Variants in INPP5A observed in about 807,000 individuals in gnomAD.
INPP5A encodes 43 kDa inositol polyphosphate 5-phophatase.
INPP5A carries 14 observed loss-of-function variants against 65.2 expected under a neutral mutation model. That is an observed-to-expected ratio of 0.21 (90% CI 0.14 to 0.34). The LOEUF is 0.34. INPP5A is among the 10% of genes least tolerant of loss of function. The pLI is 1.00. For synonymous variants in INPP5A, 207 were observed against 208.3 expected, an observed-to-expected ratio of 0.99 and a Z score of 0.05; for missense variants, 431 against 545.6, an observed-to-expected ratio of 0.79 and a Z score of 2.09.
At chr10:132,709,517 G>A (rs970016388) in intron 7 of INPP5A, among the ~76,000 whole-genome samples, 1 of 152,112 alleles carries the variant, frequency 6.6e-6, no homozygotes, top group Non-Finnish European at 1.5e-5. Flanking sequence ...CTTTGCTGTT[G>A]GTCACAGGGA....
chr10:132,757,330 G>T (rs763364098), intron 11 of INPP5A, among the ~76,000 whole-genome samples: 3 of 152,218 alleles, frequency 2.0e-5, no homozygotes, highest in Non-Finnish European at 2.9e-5. Flanking sequence ...CTCCCTTCGC[G>T]AGCGGGGCTC....
At chr10:132,578,206 T>A (rs576887680) in intron 1 of INPP5A, among the ~76,000 whole-genome samples, 1 of 152,256 alleles carries the variant, frequency 6.6e-6, no homozygotes, top group South Asian at 2.1e-4. Flanking sequence ...AACCCTCTCC[T>A]TTTTTGTGTC....
At chr10:132,723,513 TGTGGGGA>T in intron 8 of INPP5A, among the ~76,000 whole-genome samples, 1 of 145,930 alleles carries the variant, frequency 6.9e-6, no homozygotes, top group African/African-American at 2.6e-5. Context: ...GGATTGGCCA[TGTGGGGA>T]TTGGCCATGT....
intron 1 of INPP5A, among the ~76,000 whole-genome samples, chr10:132,561,722 C>CCACA (rs35335535): frequency 0.1 from 14,753 of 142,280 alleles, 841 homozygotes; most frequent in East Asian, 0.22. Flanking sequence ...TTGTCAATTT[C>CCACA]CACACACACA....
chr10:132,702,306 T>C lies in INPP5A; in HGVS notation c.474+4387T>C, dbSNP rs565637119. ...CAATTTATATTATTCAAAAATAACA[T>C]TGTTTCTCGTTTTATTTATTCAGTC... On this transcript the variant is annotated intron_variant, in intron 6 of 15. Coordinates refer to ENST00000368594, the MANE Select transcript of INPP5A (RefSeq NM_005539.5). Among the ~76,000 whole-genome samples, 8 of 152,362 alleles carry C rather than the reference T, an allele frequency of 5.3e-5. No individual in the cohort carries two copies. The East Asian group carries it at 1.5e-3, about 29-fold the overall frequency.
intron 2 of INPP5A, among the ~76,000 whole-genome samples, chr10:132,625,874 G>T (rs1267970418): frequency 7.4e-6 from 1 of 135,702 alleles, no homozygotes; most frequent in African/African-American, 2.8e-5. Context: ...GTGTGTGTGT[G>T]TGTTTGTGTG....
Position 132,555,660 on chromosome 10 carries a change from C to T in INPP5A, c.75+17489C>T, listed in dbSNP as rs552816323. Reference sequence around the variant, plus strand: ...GGGAGAGAGTTCAAGTGTATCCTAGCGTCTTGGAGAAAAATGGTCTATGAA... The same window carrying T: ...GGGAGAGAGTTCAAGTGTATCCTAGTGTCTTGGAGAAAAATGGTCTATGAA... On this transcript the variant is annotated intron_variant, in intron 1 of 15. Coordinates refer to ENST00000368594, the MANE Select transcript of INPP5A (RefSeq NM_005539.5). This position sits in a 1 kb window ranked among gnomAD's most constrained non-coding sequence, Gnocchi z 4.4. Among the ~76,000 whole-genome samples, 4 of 152,188 alleles carry T rather than the reference C, an allele frequency of 2.6e-5. No individual in the cohort carries two copies. The East Asian group carries it at 5.8e-4, about 22-fold the overall frequency.
intron 11 of INPP5A, among the ~76,000 whole-genome samples, chr10:132,752,371 G>A (rs924724520): frequency 6.6e-6 from 1 of 151,484 alleles, no homozygotes; most frequent in Non-Finnish European, 1.5e-5. Flanking sequence ...CAGGTAGGGT[G>A]GTGGCAGGGG....
chr10:132,699,426 G>C (rs1228680007), intron 6 of INPP5A, among the ~76,000 whole-genome samples: 1 of 152,158 alleles, frequency 6.6e-6, no homozygotes, highest in Non-Finnish European at 1.5e-5. Flanking sequence ...GAGCAGCTGT[G>C]GGTGGCTGGG....
Position 132,633,213 on chromosome 10 carries a change from C to T in INPP5A, c.118-12655C>T, listed in dbSNP as rs137969959. On this transcript the variant is annotated intron_variant, in intron 2 of 15. Coordinates refer to ENST00000368594, the MANE Select transcript of INPP5A (RefSeq NM_005539.5). ...CTCCCGGACCTCAGCCCCTGCCTGGCTCCCTTTAGTGGGCGAGGTGCTTGA... is the reference window on the plus strand; with the variant it reads ...CTCCCGGACCTCAGCCCCTGCCTGGTTCCCTTTAGTGGGCGAGGTGCTTGA... 8.7e-4 allele frequency among the ~76,000 whole-genome samples: 133 copies of T among 152,344 alleles called. 2 individuals are homozygous for T. In the East Asian group the frequency reaches 0.022, roughly 25 times the overall value.
chr10:132,740,918 C>CTAA (rs1846260445), intron 9 of INPP5A, among the ~76,000 whole-genome samples: 1 of 152,110 alleles, frequency 6.6e-6, no homozygotes, highest in Non-Finnish European at 1.5e-5. Context: ...GAGAGAAACC[C>CTAA]TAAGAGTTCA....
At chr10:132,623,821 A>G (rs1330862737) in intron 2 of INPP5A, among the ~76,000 whole-genome samples, 1 of 152,222 alleles carries the variant, frequency 6.6e-6, no homozygotes, top group African/African-American at 2.4e-5. Context: ...AAAGAACCCA[A>G]TTTTAAAATA....
At chr10:132,541,932 C>A (rs572409645) in intron 1 of INPP5A, among the ~76,000 whole-genome samples, 8 of 152,382 alleles carry the variant, frequency 5.2e-5, no homozygotes, top group African/African-American at 1.9e-4. Context: ...CTGGATTGGA[C>A]TCCTGCTGTC....
intron 2 of INPP5A, among the ~76,000 whole-genome samples, chr10:132,630,718 C>T (rs918097547): frequency 3.6e-4 from 22 of 61,426 alleles, no homozygotes; most frequent in African/African-American, 1.4e-3. Flanking sequence ...GGGTGGGGGG[C>T]GGGTGGGGCC....
chr10:132,613,119 C>CT (rs1264359979), intron 2 of INPP5A, among the ~76,000 whole-genome samples: 1 of 152,194 alleles, frequency 6.6e-6, no homozygotes, highest in Non-Finnish European at 1.5e-5. Flanking sequence ...TCCCTTTTAC[C>CT]TTTTTTTCTT....
rs1845390146 is a variant in INPP5A at position 132,698,952 on chromosome 10, C to T, written c.474+1033C>T. ...TGAAGGATGGGGTGCTCCTGTCACC[C>T]TGTGGCTCGGCCTCCTCATCCGTCT... On this transcript the variant is annotated intron_variant, in intron 6 of 15. Transcript: ENST00000368594. This position sits in a 1 kb window ranked among gnomAD's most constrained non-coding sequence, Gnocchi z 5.5. 6.6e-6 allele frequency among the ~76,000 whole-genome samples: 1 copy of T among 152,244 alleles called. No homozygotes were observed. The highest frequency in any genetic ancestry group is 6.5e-5 in the Admixed American group (1 of 15,294).
chr10:132,583,872 A>G lies in INPP5A; in HGVS notation c.76-24043A>G, dbSNP rs575426836. ...CAAGGGGGGCGGATAGCTTGAGCCC[A>G]GGAGTTCAAGACTAGCCTGGGCAAC... On this transcript the variant is annotated intron_variant, in intron 1 of 15. Transcript: ENST00000368594. Among the ~76,000 whole-genome samples the G allele has an allele frequency of 3.9e-5, 6 of 152,320 alleles. No individual in the cohort carries two copies. The South Asian group carries it at 1.2e-3, about 32-fold the overall frequency.
chr10:132,681,011 C>T (rs1216063362), intron 4 of INPP5A, among the ~76,000 whole-genome samples: 4 of 152,268 alleles, frequency 2.6e-5, no homozygotes, highest in Non-Finnish European at 5.9e-5. Flanking sequence ...CCAGTCCCAT[C>T]GACCACCCAA....
intron 4 of INPP5A, among the ~76,000 whole-genome samples, chr10:132,677,263 T>G (rs1206026800): frequency 6.6e-6 from 1 of 152,262 alleles, no homozygotes; most frequent in African/African-American, 2.4e-5. Flanking sequence ...GTCCTGTGGA[T>G]GCTGCCTGGG....
Sources: allele counts gnomAD v4.1 joint callset (sites outside exome capture counted in the v4.1 genomes callset), GRCh38; gene constraint gnomAD v4.1.1; non-coding constraint Gnocchi (gnomAD v3.1); transcripts MANE v1.5; gene names NCBI Gene and HGNC (gene_info 2026-07-23, HGNC 2026-07-21).